Variants in CTPS2 observed in about 807,000 individuals in gnomAD.
CTPS2 encodes CTP synthase II.
In CTPS2, 19 loss-of-function variants were observed where a neutral mutation model predicts 46.8. The observed-to-expected ratio is 0.41, with a 90% CI of 0.28 to 0.60. The LOEUF (loss-of-function observed/expected upper bound fraction) is 0.60. Among genes scored for constraint, CTPS2 ranks in the 20% least tolerant of loss-of-function variants. The pLI is 0.35. For missense variants in CTPS2, 286 were observed against 447.6 expected, an observed-to-expected ratio of 0.64 and a Z score of 3.26; for synonymous variants, 151 against 165.2, an observed-to-expected ratio of 0.91 and a Z score of 0.66.
chrX:16,657,159 GGATTACAGGCAT>G (rs1932838978), intron 13 of CTPS2, among the ~76,000 whole-genome samples: 1 of 107,907 alleles, frequency 9.3e-6, no homozygotes, highest in South Asian at 4.2e-4. Context: ...CAAAGTGCTG[GGATTACAGGCAT>G]GAGCCACCAT....
intron 17 of CTPS2, among the ~76,000 whole-genome samples, chrX:16,603,596 T>C (rs1474028487): frequency 1.0e-5 from 1 of 100,138 alleles, no homozygotes; most frequent in Non-Finnish European, 2.0e-5. Flanking sequence ...TCTATATAGA[T>C]AGATAGATAC....
intron 13 of CTPS2, among the ~76,000 whole-genome samples, chrX:16,646,302 C>G (rs1184425024): frequency 8.9e-6 from 1 of 112,441 alleles, no homozygotes; most frequent in Non-Finnish European, 1.9e-5. Flanking sequence ...CAGTGTGACC[C>G]TGAGCAGGTC....
At chrX:16,678,611 T>C (rs1922473067) in intron 9 of CTPS2, among the ~76,000 whole-genome samples, 161 bp from the exon 10 acceptor site, 1 of 112,012 alleles carries the variant, frequency 8.9e-6, no homozygotes, top group South Asian at 3.7e-4. Flanking sequence ...TTGCGGCTCT[T>C]ATAATCTTTC....
chrX:16,659,679 G>T (rs1932899608), intron 13 of CTPS2, among the ~76,000 whole-genome samples: 1 of 111,083 alleles, frequency 9.0e-6, no homozygotes, highest in Non-Finnish European at 1.9e-5. Flanking sequence ...TTTCATCTCT[G>T]TATACACTGT....
At chrX:16,617,288 T>C in intron 15 of CTPS2, 42 bp from the exon 16 acceptor site, 1 of 988,540 alleles carries the variant, frequency 1.0e-6, no homozygotes, top group Non-Finnish European at 1.4e-6. Flanking sequence ...CACAGTGCAA[T>C]ACCAGCTGCC....
intron 13 of CTPS2, chrX:16,651,128 C>G (rs1932603053): frequency 1.7e-6 from 2 of 1,204,775 alleles, no homozygotes; most frequent in Non-Finnish European, 2.2e-6. Context: ...GCTGAATTCC[C>G]CAGTTTACTC....
At chrX:16,641,959 T>C (rs1932098880) in intron 13 of CTPS2, among the ~76,000 whole-genome samples, 1 of 111,575 alleles carries the variant, frequency 9.0e-6, no homozygotes, top group Non-Finnish European at 1.9e-5. Context: ...CAAAGAATAC[T>C]ATGAGATTAT....
chrX:16,620,424 A>G, intron 14 of CTPS2, 92 bp from the exon 15 acceptor site: 1 of 618,859 alleles, frequency 1.6e-6, no homozygotes, highest in African/African-American at 2.3e-5. Context: ...CTGGATCACT[A>G]TCTATCTATC....
intron 4 of CTPS2, 88 bp downstream of exon 4, chrX:16,698,148 G>A: frequency 3.0e-6 from 2 of 668,931 alleles, no homozygotes; most frequent in Non-Finnish European, 4.8e-6. Context: ...ACTCAGGAGG[G>A]CGTGTGTAAG....
chrX:16,611,849 C>A (rs1930279063), intron 16 of CTPS2, among the ~76,000 whole-genome samples: 1 of 112,345 alleles, frequency 8.9e-6, no homozygotes, highest in Admixed American at 9.5e-5. Context: ...ATGCCACCTT[C>A]TCCCAGGAAT....
intron 13 of CTPS2, among the ~76,000 whole-genome samples, chrX:16,649,008 G>C (rs1932467586): frequency 8.9e-6 from 1 of 111,950 alleles, no homozygotes; most frequent in Non-Finnish European, 1.9e-5. Context: ...AATCCACCTG[G>C]AACCCCTTCC....
intron 15 of CTPS2, among the ~76,000 whole-genome samples, chrX:16,618,357 T>C (rs1273968404): frequency 2.7e-5 from 3 of 112,455 alleles, no homozygotes; most frequent in Non-Finnish European, 3.8e-5. Flanking sequence ...GGTAGACATT[T>C]GAGTTGTTTC....
At chrX:16,598,666 C>G (rs1276405727) in intron 17 of CTPS2, among the ~76,000 whole-genome samples, 1 of 111,400 alleles carries the variant, frequency 9.0e-6, no homozygotes, top group Non-Finnish European at 1.9e-5. Context: ...TGAAACTATT[C>G]CAATCAATAG....
intron 10 of CTPS2, among the ~76,000 whole-genome samples, chrX:16,674,687 A>C (rs760440193): frequency 1.9e-5 from 2 of 105,887 alleles, no homozygotes; most frequent in South Asian, 4.4e-4. Context: ...AAATACAAAA[A>C]ATTAGCCGGG....
At chrX:16,640,625 T>C (rs1189006287) in intron 13 of CTPS2, among the ~76,000 whole-genome samples, 1 of 112,003 alleles carries the variant, frequency 8.9e-6, no homozygotes, top group Admixed American at 9.5e-5. Context: ...AGTCTCGTAA[T>C]TCATCTGTTT....
intron 14 of CTPS2, among the ~76,000 whole-genome samples, chrX:16,621,225 G>A (rs1290717798): frequency 1.0e-5 from 1 of 99,899 alleles, no homozygotes; most frequent in Non-Finnish European, 2.0e-5. Flanking sequence ...TCATTGTCAG[G>A]TGAATAGGAG....
chrX:16,607,122 T>C (rs995946042), intron 17 of CTPS2, among the ~76,000 whole-genome samples: 2 of 112,882 alleles, frequency 1.8e-5, no homozygotes, highest in Non-Finnish European at 3.7e-5. Flanking sequence ...AGGTGGGCAG[T>C]CCACACGAGC....
At chrX:16,630,251 ATTTTTT>A in intron 14 of CTPS2, among the ~76,000 whole-genome samples, 1 of 77,234 alleles carries the variant, frequency 1.3e-5, no homozygotes, top group African/African-American at 4.9e-5. Flanking sequence ...GTTGTGTTGT[ATTTTTT>A]TTTTTTTTTT....
rs774775511 is a variant in CTPS2 at position 16,598,353 on chromosome X, C to T, written c.1692-7491G>A. Among the ~76,000 whole-genome samples the T allele has an allele frequency of 1.5e-4, 17 of 111,000 alleles. No homozygotes were observed. The East Asian group carries it at 4.5e-3, about 30-fold the overall frequency. ...AAAAGAGAGAAGAATCAAATGGACG[C>T]AATAAAAAATGATAAAGGGGATATC... On this transcript the variant is annotated intron_variant, in intron 17 of 18. Transcript: ENST00000359276.
Sources: gnomAD v4.1 joint callset for allele counts (sites outside exome capture counted in the v4.1 genomes callset) on GRCh38, gnomAD v4.1.1 for gene constraint, MANE v1.5 for transcripts, NCBI Gene and HGNC (gene_info 2026-07-23, HGNC 2026-07-21) for gene names.